The following SLC1A1 variants were observed in gnomAD, a reference collection of about 807,000 sequenced individuals.
SLC1A1 encodes the protein solute carrier family 1 member 1, also known as excitatory amino acid transporter 3.
In SLC1A1, 43 loss-of-function variants were observed where a neutral mutation model predicts 53.3. That is an observed-to-expected ratio of 0.81 (90% CI 0.63 to 1.04). The LOEUF (loss-of-function observed/expected upper bound fraction) is 1.04. Among genes scored for constraint, SLC1A1 ranks in the 50% least tolerant of loss-of-function variants. The pLI, the probability that SLC1A1 is intolerant of heterozygous loss-of-function variation, is 0.00. For synonymous variants in SLC1A1, 307 were observed against 243.2 expected (o/e 1.26, Z -2.44); for missense variants, 748 against 664.9 (o/e 1.12, Z -1.37).
At chr9:4,553,969 A>C (rs1190365637) in intron 2 of SLC1A1, 1 of 152,216 alleles carries the variant, frequency 6.6e-6, no homozygotes, top group Non-Finnish European at 1.5e-5. Flanking sequence ...CTGGATTAAC[A>C]AAGTAAGATC....
rs369814331 is a variant in SLC1A1 at position 4,498,097 on chromosome 9, T to C, written c.91+7327T>C. ...TAAAACCTCTGAGAGTCCTTCTAGC[T>C]TTAAGAACCTTTAGCTTTATGACTG... On this transcript the variant is annotated intron_variant, in intron 1 of 11. Transcript: ENST00000262352. 3.9e-5 allele frequency among the ~76,000 whole-genome samples: 6 copies of C among 152,372 alleles called. No individual in the cohort carries two copies. The East Asian group carries it at 1.2e-3, about 29-fold the overall frequency.
chr9:4,504,940 A>G (rs1820748846), intron 1 of SLC1A1, among the ~76,000 whole-genome samples: 5 of 152,136 alleles, frequency 3.3e-5, no homozygotes, highest in Admixed American at 3.3e-4. Flanking sequence ...TAAGTCTGTA[A>G]TATTTAACTG....
chr9:4,511,080 C>T (rs549272185), intron 1 of SLC1A1, among the ~76,000 whole-genome samples: 3 of 152,264 alleles, frequency 2.0e-5, no homozygotes, highest in South Asian at 2.1e-4. Context: ...GCCAGGAAGT[C>T]GTTTAGTTAT....
At chr9:4,505,909 C>T (rs768242034) in intron 1 of SLC1A1, among the ~76,000 whole-genome samples, 6 of 152,184 alleles carry the variant, frequency 3.9e-5, no homozygotes, top group East Asian at 1.9e-4. Flanking sequence ...CTGCAACCTC[C>T]GCCTTCCGAG....
intron 1 of SLC1A1, among the ~76,000 whole-genome samples, chr9:4,542,190 C>G (rs550921711): frequency 6.6e-6 from 1 of 150,780 alleles, no homozygotes; most frequent in Admixed American, 6.6e-5. Flanking sequence ...GGGAGAGACA[C>G]GGAGGGAGGG....
intron 1 of SLC1A1, among the ~76,000 whole-genome samples, chr9:4,534,688 G>A (rs931333663): frequency 2.4e-4 from 31 of 127,580 alleles, no homozygotes; most frequent in Non-Finnish European, 3.6e-4. Flanking sequence ...TAGAAAAAGA[G>A]GGAATCCTCC....
chr9:4,513,117 A>C (rs1821050616), intron 1 of SLC1A1, among the ~76,000 whole-genome samples: 1 of 152,214 alleles, frequency 6.6e-6, no homozygotes. Context: ...TTAGAAGAAA[A>C]CATAGGGGTA....
At chr9:4,576,848 G>C in intron 10 of SLC1A1, 85 bp downstream of exon 10, 1 of 1,232,894 alleles carries the variant, frequency 8.1e-7, no homozygotes, top group East Asian at 2.3e-5. Context: ...CACCAAGAAT[G>C]TCGCAGTGAT....
At position 4,586,162 on chromosome 9, in the gene SLC1A1, A is replaced by G. The variant is rs1281588301; in HGVS notation, c.*604A>G. The G allele has an allele frequency of 1.2e-5, 2 of 160,966 alleles. No homozygotes were observed. The highest frequency in any genetic ancestry group is 1.8e-4 in the South Asian group (1 of 5,598). The allele number at this position is 160,966 out of a possible 1,614,324, so 10.0% of individuals were successfully genotyped here. On this transcript the variant is annotated 3_prime_UTR_variant, in exon 12 of 12. Transcript: ENST00000262352. The stretch of plus-strand genomic sequence containing the variant: ...GAAAGGGAGAAGGATTCTTTTTTCA[A>G]TGTACTGTATTGGGACGCTGGTAAC...
At chr9:4,553,183 T>C (rs2130894445) in intron 2 of SLC1A1, among the ~76,000 whole-genome samples, 2 of 152,256 alleles carry the variant, frequency 1.3e-5, no homozygotes, top group East Asian at 3.9e-4. Flanking sequence ...ACAGTTGAGT[T>C]CCTCAGATTC....
chr9:4,536,544 C>G (rs1334174905), intron 1 of SLC1A1, among the ~76,000 whole-genome samples: 2 of 152,176 alleles, frequency 1.3e-5, no homozygotes, highest in Non-Finnish European at 2.9e-5. Context: ...CAGGAAACAA[C>G]AGGTGCTGGA....
intron 4 of SLC1A1, among the ~76,000 whole-genome samples, 181 bp downstream of exon 4, chr9:4,564,639 G>A (rs1054321137): frequency 1.3e-5 from 2 of 152,222 alleles, no homozygotes; most frequent in African/African-American, 2.4e-5. Flanking sequence ...CCAAGTCTTG[G>A]TTCCAAGAGG....
At chr9:4,525,368 T>A (rs572372302) in intron 1 of SLC1A1, among the ~76,000 whole-genome samples, 26 of 152,120 alleles carry the variant, frequency 1.7e-4, no homozygotes, top group Non-Finnish European at 3.7e-4. Context: ...GAAAAATTAA[T>A]ATGAAAACTG....
rs200631293 is a variant in SLC1A1 at position 4,585,294 on chromosome 9, C to A, written c.1329-18C>A. Reference sequence around the variant, plus strand: ...TGAAATCTGGGCCTCCTGTCTGACTCCTCCCGTCTCTCCCCAGGGACCGGT... The same window carrying A: ...TGAAATCTGGGCCTCCTGTCTGACTACTCCCGTCTCTCCCCAGGGACCGGT... On this transcript the variant is annotated intron_variant, in intron 11 of 11. Coordinates refer to ENST00000262352, the MANE Select transcript of SLC1A1 (RefSeq NM_004170.6). The A allele has an allele frequency of 3.6e-4, 584 of 1,612,894 alleles. 2 individuals are homozygous for A. Among genetic ancestry groups the A allele is most frequent in the Middle Eastern group, 3.1e-3 (16 of 5,132 alleles).
intron 2 of SLC1A1, among the ~76,000 whole-genome samples, chr9:4,555,200 T>C (rs1272108453): frequency 6.6e-6 from 1 of 152,238 alleles, no homozygotes; most frequent in East Asian, 1.9e-4. Context: ...ACAGGAGTCA[T>C]CCACATGGCG....
At chr9:4,510,451 T>G (rs79853453) in intron 1 of SLC1A1, among the ~76,000 whole-genome samples, 5,757 of 152,226 alleles carry the variant, frequency 0.038, 384 homozygotes, top group African/African-American at 0.13. Context: ...ACAGGCTTAA[T>G]CCAGAAAGGT....
chr9:4,499,769 G>A (rs910499701), intron 1 of SLC1A1, among the ~76,000 whole-genome samples: 3 of 152,144 alleles, frequency 2.0e-5, no homozygotes, highest in South Asian at 4.1e-4. Flanking sequence ...TTTAAGATAC[G>A]GTGTTTTATT....
intron 1 of SLC1A1, among the ~76,000 whole-genome samples, chr9:4,532,779 C>A (rs200078654): frequency 1.1e-4 from 17 of 151,978 alleles, no homozygotes; most frequent in African/African-American, 2.4e-4. Flanking sequence ...ACCAAAGTTG[C>A]AATGAAGGAA....
chr9:4,531,820 T>G (rs1284651046), intron 1 of SLC1A1, among the ~76,000 whole-genome samples: 1 of 152,194 alleles, frequency 6.6e-6, no homozygotes. Flanking sequence ...AGGGGCAGAC[T>G]GACACCTCAC....
Sources: gnomAD v4.1 joint callset for allele counts (sites outside exome capture counted in the v4.1 genomes callset) on GRCh38, gnomAD v4.1.1 for gene constraint, MANE v1.5 for transcripts, NCBI Gene and HGNC (gene_info 2026-07-23, HGNC 2026-07-21) for gene names.